ABCC11: variants seen among roughly 807,000 people sequenced by gnomAD.
ABCC11 encodes ATP-binding cassette sub-family C member 11.
In ABCC11, 135 loss-of-function variants were observed where a neutral mutation model predicts 149.3. The observed-to-expected ratio is 0.90, with a 90% confidence interval of 0.79 to 1.04. ABCC11 has a LOEUF of 1.04. ABCC11 is among the 50% of genes least tolerant of loss of function. ABCC11 has a pLI of 0.00. For synonymous variants in ABCC11, 665 were observed against 671.4 expected (o/e 0.99, Z 0.15); for missense variants, 1,680 against 1,722.1 (o/e 0.98, Z 0.43).
chr16:48,200,537 C>T (rs575646776), intron 14 of ABCC11, 58 bp from the exon 15 acceptor site: 1 of 1,547,156 alleles, frequency 6.5e-7, no homozygotes, highest in Non-Finnish European at 8.8e-7. Flanking sequence ...CAGGTGTGCT[C>T]AAATGGGTAG....
At chr16:48,218,956 GCA>G (rs1969538072) in intron 6 of ABCC11, among the ~76,000 whole-genome samples, 1 of 152,114 alleles carries the variant, frequency 6.6e-6, no homozygotes, top group Non-Finnish European at 1.5e-5. Flanking sequence ...GTCACAATAA[GCA>G]GGAGGGAAAG....
At chr16:48,192,423 T>G in intron 20 of ABCC11, 97 bp downstream of exon 20, 1 of 1,349,162 alleles carries the variant, frequency 7.4e-7, no homozygotes, top group South Asian at 1.4e-5. Context: ...CAGCCTGGGC[T>G]ACAGAGCTCT....
chr16:48,245,091 G>A (rs145469329), intron 1 of ABCC11, among the ~76,000 whole-genome samples: 1,982 of 152,088 alleles, frequency 0.013, 17 homozygotes, highest in Non-Finnish European at 0.019. Context: ...TCTCTGCTCC[G>A]TGAGTTTTAA....
At chr16:48,175,126 A>G in intron 26 of ABCC11, 132 bp downstream of exon 26, 1 of 1,177,562 alleles carries the variant, frequency 8.5e-7, no homozygotes, top group Admixed American at 2.7e-5. Context: ...CCAGGTAGGC[A>G]TGAGTGGCCC....
intron 11 of ABCC11, chr16:48,209,735 C>G (rs1332551344): frequency 1.3e-5 from 2 of 152,266 alleles, no homozygotes; most frequent in Admixed American, 6.5e-5. Context: ...CTATTGGGTA[C>G]AATGCACTCT....
At chr16:48,203,830 A>G (rs541785272) in intron 13 of ABCC11, among the ~76,000 whole-genome samples, 1 of 152,354 alleles carries the variant, frequency 6.6e-6, no homozygotes, top group South Asian at 2.1e-4. Flanking sequence ...AGATCACGCC[A>G]TTGTACTCCA....
In ABCC11 at chr16:48,192,619, G is replaced by A. The variant is rs754961101; in HGVS notation, c.2607C>T (p.Asn869=). 4.7e-5 allele frequency: 76 copies of A among 1,614,042 alleles called. No individual in the cohort carries two copies. Among genetic ancestry groups the A allele is most frequent in the South Asian group, 6.6e-5 (6 of 91,086 alleles). Residue 869 remains asparagine, a synonymous_variant, in exon 20 of 30, where the codon AAC becomes AAT. Coordinates refer to ENST00000356608, the MANE Select transcript of ABCC11 (RefSeq NM_001370497.1). ...CCCCCACACAGATGAGGAGCAGGGC[G>A]TTGAGCCCGTACACCAGCTGGTAGA... The part of the protein sequence containing the change: ...LSFYQLVYGL[N]ALLLICVGVC...
At chr16:48,241,399 A>C (rs1343588276) in intron 1 of ABCC11, among the ~76,000 whole-genome samples, 2 of 152,208 alleles carry the variant, frequency 1.3e-5, no homozygotes. Flanking sequence ...AAAAGAGGAC[A>C]CAAACAAATG....
chr16:48,165,247 C>T (rs1279425513), downstream of ABCC11: 1 of 152,280 alleles, frequency 6.6e-6, no homozygotes, highest in Non-Finnish European at 1.5e-5. Flanking sequence ...ATGGGGTTCC[C>T]AGGGACACTT....
At chr16:48,181,435 G>A (rs1357756055) in intron 23 of ABCC11, among the ~76,000 whole-genome samples, 3 of 152,082 alleles carry the variant, frequency 2.0e-5, no homozygotes, top group Admixed American at 6.6e-5. Context: ...CTCTACTCTA[G>A]GTTTTTACAA....
intron 20 of ABCC11, among the ~76,000 whole-genome samples, chr16:48,188,561 G>A (rs185182256): frequency 3.5e-4 from 54 of 152,302 alleles, no homozygotes; most frequent in African/African-American, 1.2e-3. Context: ...GAGGCCTTTC[G>A]GAGATCAAAG....
chr16:48,222,884 G>T (rs1215812724), intron 5 of ABCC11, 53 bp from the exon 6 acceptor site: 4 of 1,467,758 alleles, frequency 2.7e-6, no homozygotes, highest in South Asian at 1.2e-5. Flanking sequence ...AGACACGTTT[G>T]ATGTTTTGTT....
At chr16:48,178,461 C>T (rs1053228967) in intron 24 of ABCC11, 136 bp downstream of exon 24, 5 of 746,618 alleles carry the variant, frequency 6.7e-6, no homozygotes, top group African/African-American at 5.3e-5. Flanking sequence ...CTGGGGAAGA[C>T]AGGGAGGAAA....
intron 1 of ABCC11, among the ~76,000 whole-genome samples, chr16:48,236,487 C>A (rs1204144664): frequency 6.6e-6 from 1 of 152,200 alleles, no homozygotes. Flanking sequence ...CTGCATACCT[C>A]ATTGAATGTA....
chr16:48,192,978 A>G (rs777132444), intron 19 of ABCC11, among the ~76,000 whole-genome samples: 30 of 152,292 alleles, frequency 2.0e-4, no homozygotes, highest in Admixed American at 4.6e-4. Context: ...TGCAGCGAGA[A>G]GCTTGGGAAC....
In ABCC11 at chr16:48,192,778, A is replaced by G. The variant is rs925493785; in HGVS notation, c.2509-61T>C. The G allele has an allele frequency of 2.6e-6, 4 of 1,553,554 alleles. No homozygotes were observed. The African/African-American group carries it at 5.4e-5, about 21-fold the overall frequency. On this transcript the variant is annotated intron_variant, in intron 19 of 29. Coordinates refer to ENST00000356608, the MANE Select transcript of ABCC11 (RefSeq NM_001370497.1). ...CCGGGGGAAATTCAGTGGCAGGGAA[A>G]GCCTTCTCCCTGGGGCCACGTGAGA...
chr16:48,232,105 C>G, intron 1 of ABCC11, 166 bp from the exon 2 acceptor site: 1 of 1,365,474 alleles, frequency 7.3e-7, no homozygotes, highest in Non-Finnish European at 9.5e-7. Context: ...TGTGCTTGAT[C>G]CCTCTTTTTA....
intron 5 of ABCC11, 40 bp from the exon 6 acceptor site, chr16:48,222,871 G>C (rs1466942390): frequency 6.6e-7 from 1 of 1,515,132 alleles, no homozygotes; most frequent in Non-Finnish European, 9.1e-7. Context: ...AGACCACCCT[G>C]CCAGACACGT....
Position 48,203,305 on chromosome 16 carries a change from GA to G in ABCC11, c.1806-6del. On this transcript the variant is annotated splice_polypyrimidine_tract_variant and splice_region_variant and intron_variant, in intron 13 of 29. Coordinates refer to ENST00000356608, the MANE Select transcript of ABCC11 (RefSeq NM_001370497.1). ...CAGTGGAGCACCTGGAGGTATCTGT[GA>G]AGGACAGGGAGCCATAAGGCACAGG... The G allele has an allele frequency of 6.4e-7, 1 of 1,571,890 alleles. No homozygotes were observed. Among genetic ancestry groups the G allele is most frequent in the African/African-American group, 1.3e-5 (1 of 74,376 alleles).
Sources: allele counts gnomAD v4.1 joint callset (sites outside exome capture counted in the v4.1 genomes callset), GRCh38; gene constraint gnomAD v4.1.1; transcripts MANE v1.5; gene names NCBI Gene and HGNC (gene_info 2026-07-23, HGNC 2026-07-21).